OSBPL2: variants seen among roughly 807,000 people sequenced by gnomAD.
OSBPL2 encodes oxysterol binding protein like 2, also known as oxysterol-binding protein-related protein 2.
Under a neutral mutation model 58.4 loss-of-function variants are expected in OSBPL2, and 18 were observed. The observed-to-expected ratio is 0.31, with a 90% CI of 0.21 to 0.46. The LOEUF (loss-of-function observed/expected upper bound fraction) is 0.46, where lower values mean the gene tolerates loss of function less well. OSBPL2 is among the 20% of genes least tolerant of loss of function. The pLI is 1.00. For missense variants in OSBPL2, 461 were observed against 616.5 expected (o/e 0.75, Z 2.67); for synonymous variants, 221 against 234.1 (o/e 0.94, Z 0.51).
chr20:62,257,603 G>A (rs753945825), intron 2 of OSBPL2, among the ~76,000 whole-genome samples: 2 of 152,118 alleles, frequency 1.3e-5, no homozygotes, highest in South Asian at 2.1e-4. Flanking sequence ...GGGATGCCAC[G>A]TCTGTCACAG....
intron 13 of OSBPL2, among the ~76,000 whole-genome samples, chr20:62,292,787 C>G (rs145227391): frequency 9.7e-4 from 147 of 152,146 alleles, no homozygotes; most frequent in African/African-American, 3.4e-3. Context: ...TTTGGGCTTC[C>G]AATTTAATTT....
chr20:62,252,902 C>T (rs867518858), intron 1 of OSBPL2, among the ~76,000 whole-genome samples: 5 of 152,238 alleles, frequency 3.3e-5, no homozygotes, highest in African/African-American at 9.6e-5. Context: ...GAGGACAGCA[C>T]CAAGCCGTGA....
rs1460623258 is a variant in OSBPL2, at chr20:62,288,166, G to A, written c.1126-1041G>A. ...GGAGGGGGTGCAGGGGTCTCCAGAC[G>A]ACTTCAGTATTTGCTGTGAGTGACA... is the stretch of plus-strand genomic sequence containing the variant. On this transcript the variant is annotated intron_variant, in intron 11 of 13. Coordinates refer to ENST00000313733, the MANE Select transcript of OSBPL2 (RefSeq NM_144498.4). This position sits in a 1 kb window ranked among gnomAD's most constrained non-coding sequence, Gnocchi z 4.8. Among the ~76,000 whole-genome samples the A allele has an allele frequency of 6.6e-6, 1 of 152,198 alleles. No individual in the cohort carries two copies. The highest frequency in any genetic ancestry group is 2.4e-5 in the African/African-American group (1 of 41,450).
chr20:62,250,872 C>T (rs182376287), intron 1 of OSBPL2, among the ~76,000 whole-genome samples: 13 of 152,112 alleles, frequency 8.5e-5, no homozygotes, highest in East Asian at 1.9e-4. Context: ...CTGCAGTGAG[C>T]GGCGATTGTG....
intron 9 of OSBPL2, 124 bp from the exon 10 acceptor site, chr20:62,283,922 C>T (rs1033342201): frequency 2.1e-6 from 2 of 943,414 alleles, no homozygotes; most frequent in Non-Finnish European, 3.2e-6. Flanking sequence ...GCATTTATGT[C>T]CAGAGATGTC....
intron 7 of OSBPL2, chr20:62,279,881 C>T (rs760604851): frequency 2.2e-5 from 26 of 1,160,804 alleles, no homozygotes; most frequent in Non-Finnish European, 2.7e-5. Context: ...CCTTTGCACA[C>T]TCCCCCACCC....
intron 13 of OSBPL2, among the ~76,000 whole-genome samples, chr20:62,292,327 C>T (rs1983574367): frequency 1.3e-5 from 2 of 152,268 alleles, no homozygotes; most frequent in African/African-American, 2.4e-5. Context: ...ACCGATACCA[C>T]ATCTTCCTGT....
chr20:62,289,377 T>G, intron 12 of OSBPL2, 47 bp downstream of exon 12: 2 of 1,593,492 alleles, frequency 1.3e-6, no homozygotes, highest in Non-Finnish European at 8.5e-7. Context: ...AAGGACGCCC[T>G]GGCTAGGGTG....
chr20:62,294,227 A>C lies in OSBPL2; in HGVS notation c.*340A>C. ...AGTCATAGCATGTGTAGCTAAAGGA[A>C]GTAATGGGAAGGGGTTCATGTTCTC... is the stretch of plus-strand genomic sequence containing the variant. On this transcript the variant is annotated 3_prime_UTR_variant, in exon 14 of 14. Coordinates refer to ENST00000313733, the MANE Select transcript of OSBPL2 (RefSeq NM_144498.4). 3.1e-6 allele frequency: 1 copy of C among 323,224 alleles called. No homozygotes were observed. The highest frequency in any genetic ancestry group is 5.7e-6 in the Non-Finnish European group (1 of 176,578). The allele number at this position is 323,224 out of a possible 1,614,324, so 20.0% of individuals were successfully genotyped here.
At chr20:62,280,568 T>A (rs1982713838) in intron 7 of OSBPL2, among the ~76,000 whole-genome samples, 2 of 152,232 alleles carry the variant, frequency 1.3e-5, no homozygotes, top group Admixed American at 6.5e-5. Context: ...GCTGCTGATC[T>A]GCTGCCTCAC....
chr20:62,238,617 G>C lies in OSBPL2; in HGVS notation c.-129+20G>C, dbSNP rs1238969797. The C allele has an allele frequency of 6.9e-6, 1 of 144,308 alleles. No homozygotes were observed. Among genetic ancestry groups the C allele is most frequent in the Non-Finnish European group, 1.5e-5 (1 of 65,266 alleles). 8.9% of individuals were successfully genotyped at this position (144,308 alleles called of 1,614,324 possible). On this transcript the variant is annotated intron_variant, in intron 1 of 13. Coordinates refer to ENST00000313733, the MANE Select transcript of OSBPL2 (RefSeq NM_144498.4). Reference sequence around the variant, plus strand: ...GTCCAGGTGAGTGGCCCCCGCCGCCGCCACGCGAAGGCCCGGGACCCCGGC... The same window carrying C: ...GTCCAGGTGAGTGGCCCCCGCCGCCCCCACGCGAAGGCCCGGGACCCCGGC...
intron 1 of OSBPL2, among the ~76,000 whole-genome samples, chr20:62,247,530 T>C (rs983324599): frequency 2.6e-5 from 4 of 152,136 alleles, no homozygotes; most frequent in Non-Finnish European, 5.9e-5. Context: ...AGTTTGAAAG[T>C]CTCTGCCAGT....
At chr20:62,248,883 C>A (rs1261973686) in intron 1 of OSBPL2, among the ~76,000 whole-genome samples, 1 of 151,892 alleles carries the variant, frequency 6.6e-6, no homozygotes, top group Non-Finnish European at 1.5e-5. Flanking sequence ...TTTTTTTGTA[C>A]AGACAGTATC....
rs6061475 is a variant in OSBPL2, at chr20:62,272,154, C to T, written c.288C>T (p.Ala96=). 1 of 1,613,870 alleles carries T rather than the reference C, an allele frequency of 6.2e-7. No homozygotes were observed. Among genetic ancestry groups the T allele is most frequent in the Non-Finnish European group, 8.5e-7 (1 of 1,179,958 alleles). The stretch of plus-strand genomic sequence containing the variant: ...TGTCCAAGATCACGATGCCAATCGC[C>T]TTCAACGAGCCTCTGAGCTTCTTGC... ...LELSKITMPI[A]FNEPLSFLQR... is the part of the protein sequence containing the mutation. Residue 96 remains alanine, a synonymous_variant, in exon 5 of 14, where the codon GCC becomes GCT. Transcript: ENST00000313733.
rs1320843979 is a variant in OSBPL2, at chr20:62,269,073, TG to T, written c.259-3051del. 1.3e-5 allele frequency among the ~76,000 whole-genome samples: 2 copies of T among 150,238 alleles called. No individual in the cohort carries two copies. The highest frequency in any genetic ancestry group is 2.0e-4 in the East Asian group (1 of 5,114). ...GACTCCAACTCAAAAAAAAAAAAAA[TG>T]TTTTTTTGTAGAGACGGGGTCTCAC... On this transcript the variant is annotated intron_variant, in intron 4 of 13. Coordinates refer to ENST00000313733, the MANE Select transcript of OSBPL2 (RefSeq NM_144498.4). This position sits in a 1 kb window ranked among gnomAD's most constrained non-coding sequence, Gnocchi z 4.2.
chr20:62,251,525 C>T (rs1004015960), intron 1 of OSBPL2, among the ~76,000 whole-genome samples: 21 of 151,778 alleles, frequency 1.4e-4, no homozygotes, highest in African/African-American at 4.8e-4. Context: ...TCTCCTGCCT[C>T]GGCCTCCCGA....
chr20:62,294,235 G>C lies in OSBPL2; in HGVS notation c.*348G>C. The C allele has an allele frequency of 3.3e-6, 1 of 305,844 alleles. No homozygotes were observed. Among genetic ancestry groups the C allele is most frequent in the Non-Finnish European group, 6.0e-6 (1 of 165,404 alleles). The allele number at this position is 305,844 out of a possible 1,614,324, so 18.9% of individuals were successfully genotyped here. On this transcript the variant is annotated 3_prime_UTR_variant, in exon 14 of 14. Coordinates refer to ENST00000313733, the MANE Select transcript of OSBPL2 (RefSeq NM_144498.4). ...CATGTGTAGCTAAAGGAAGTAATGG[G>C]AAGGGGTTCATGTTCTCTTTATAAT... is the stretch of plus-strand genomic sequence containing the variant.
At chr20:62,243,158 G>T (rs756953492) in intron 1 of OSBPL2, among the ~76,000 whole-genome samples, 2 of 152,202 alleles carry the variant, frequency 1.3e-5, no homozygotes, top group South Asian at 4.1e-4. Context: ...TGTCAGGTGC[G>T]CACAGGGCGT....
At position 62,286,612 on chromosome 20, in the gene OSBPL2, C is replaced by A; in HGVS notation, c.1026C>A (p.Asp342Glu). Residue 342 changes from aspartate to glutamate, a missense_variant, in exon 11 of 14, where the codon GAC (aspartate) becomes GAA (glutamate). By Grantham distance (45) the Asp-to-Glu change is conservative. Around this residue, in one of 5 missense-constraint regions of OSBPL2, gnomAD observed 319 missense variants for 419.2 expected, o/e 0.76. Transcript: ENST00000313733. ...AAGACTCCGGGAAGGCTGACAGCGA[C>A]GTGGCTGACGACGTGCCTGTGGCCC... ...LDEDSGKADS[D>E]VADDVPVAQE... 1.2e-6 allele frequency: 2 copies of A among 1,613,628 alleles called. No homozygotes were observed. The highest frequency in any genetic ancestry group is 1.7e-6 in the Non-Finnish European group (2 of 1,179,782).
Sources: gnomAD v4.1 joint callset for allele counts (sites outside exome capture counted in the v4.1 genomes callset) on GRCh38, gnomAD v4.1.1 for gene constraint, gnomAD v4.1.1 regional missense constraint, Gnocchi (gnomAD v3.1) non-coding constraint, MANE v1.5 for transcripts, NCBI Gene and HGNC (gene_info 2026-07-23, HGNC 2026-07-21) for gene names.